The following PDS5B variants were observed in gnomAD, a reference collection of about 807,000 sequenced individuals.
PDS5B encodes PDS5 cohesin associated factor B.
Under a neutral mutation model 184.1 loss-of-function variants are expected in PDS5B, and 51 were observed. The ratio of observed to expected loss-of-function variants is 0.28; its 90% CI spans 0.22 to 0.35. The LOEUF is 0.35. PDS5B is among the 10% of genes least tolerant of loss of function. The probability of loss-of-function intolerance (pLI) is 1.00; values close to 1 mark genes in which losing one functional copy is unlikely to be tolerated. For missense variants in PDS5B, 1,180 were observed against 1,723.3 expected (o/e 0.68, Z 5.58); for synonymous variants, 566 against 569.2 (o/e 0.99, Z 0.08).
At chr13:32,725,148 T>C (rs962545186) in intron 19 of PDS5B, among the ~76,000 whole-genome samples, 4 of 152,210 alleles carry the variant, frequency 2.6e-5, no homozygotes, top group African/African-American at 7.2e-5. Flanking sequence ...GGTTTCCCAG[T>C]GTTATATTTG....
intron 21 of PDS5B, 152 bp downstream of exon 21, chr13:32,735,482 A>G (rs1953299798): frequency 1.7e-6 from 1 of 579,232 alleles, no homozygotes; most frequent in African/African-American, 1.9e-5. Context: ...CCTTGTCTCC[A>G]TTATAAGCAA....
intron 6 of PDS5B, among the ~76,000 whole-genome samples, chr13:32,663,327 A>G (rs1403327566): frequency 6.6e-6 from 1 of 151,334 alleles, no homozygotes; most frequent in Non-Finnish European, 1.5e-5. Flanking sequence ...CAAACCAAGC[A>G]AGAAAAAAAA....
chr13:32,711,770 T>C (rs1184112069), intron 19 of PDS5B, among the ~76,000 whole-genome samples: 1 of 152,242 alleles, frequency 6.6e-6, no homozygotes, highest in Non-Finnish European at 1.5e-5. Context: ...TGTATGTGTA[T>C]GTGTGTATTT....
intron 1 of PDS5B, among the ~76,000 whole-genome samples, chr13:32,625,563 G>A (rs971589113): frequency 1.3e-5 from 2 of 152,072 alleles, no homozygotes; most frequent in African/African-American, 4.8e-5. Flanking sequence ...TTATCCTGAT[G>A]GGGTTTTGTG....
chr13:32,587,918 A>C (rs1020373970), intron 1 of PDS5B, among the ~76,000 whole-genome samples: 3 of 152,154 alleles, frequency 2.0e-5, no homozygotes, highest in Non-Finnish European at 4.4e-5. Context: ...CTTCCTAATG[A>C]ACTTCAAAAA....
chr13:32,676,932 C>A (rs1386412718), intron 9 of PDS5B, among the ~76,000 whole-genome samples: 6 of 78,796 alleles, frequency 7.6e-5, no homozygotes, highest in Non-Finnish European at 9.3e-5. Flanking sequence ...CTCTTGTCTC[C>A]AAAAAAAAAA....
intron 2 of PDS5B, 161 bp downstream of exon 2, chr13:32,649,041 G>T: frequency 1.8e-6 from 1 of 566,502 alleles, no homozygotes; most frequent in Non-Finnish European, 3.1e-6. Flanking sequence ...ATAAGGTACA[G>T]TGGGGATTAT....
chr13:32,669,289 C>CT lies in PDS5B; in HGVS notation c.705+1454dup, dbSNP rs1191765928. Among the ~76,000 whole-genome samples the CT allele has an allele frequency of 2.6e-3, 378 of 143,600 alleles. 2 individuals carry two copies. Among genetic ancestry groups the CT allele is most frequent in the African/African-American group, 8.4e-3 (331 of 39,174 alleles). The allele number at this position is 143,600 out of a possible 152,430, so 94.2% of individuals were successfully genotyped here. A position where few individuals can be genotyped will look rare whatever the true frequency, so the allele number is the denominator to read the frequency against. On this transcript the variant is annotated intron_variant, in intron 7 of 34. Coordinates refer to ENST00000315596, the MANE Select transcript of PDS5B (RefSeq NM_015032.4). ...TATTGCCAAGCCAGTTTTTTTTTTT[C>CT]TTTTTTTTTGGAGGGGAGGGGGGAC...
At chr13:32,602,475 A>G (rs367818634) in intron 1 of PDS5B, among the ~76,000 whole-genome samples, 2 of 151,984 alleles carry the variant, frequency 1.3e-5, no homozygotes, top group Non-Finnish European at 2.9e-5. Flanking sequence ...TATGTGCCAC[A>G]TTTTCTTAAT....
intron 1 of PDS5B, among the ~76,000 whole-genome samples, chr13:32,587,591 A>G (rs1330565267): frequency 6.6e-6 from 1 of 152,122 alleles, no homozygotes; most frequent in Non-Finnish European, 1.5e-5. Context: ...CTGAAACCAG[A>G]AACGCCGCCC....
intron 6 of PDS5B, among the ~76,000 whole-genome samples, chr13:32,660,350 C>G (rs1005522761): frequency 2.0e-5 from 3 of 152,200 alleles, no homozygotes; most frequent in Admixed American, 6.5e-5. Flanking sequence ...AGCCTGGGGC[C>G]CAGCTAGTGA....
At chr13:32,620,700 T>C (rs1191644528) in intron 1 of PDS5B, among the ~76,000 whole-genome samples, 1 of 152,048 alleles carries the variant, frequency 6.6e-6, no homozygotes, top group Non-Finnish European at 1.5e-5. Flanking sequence ...GGGATTCTGA[T>C]TGTTTCTAGC....
chr13:32,699,805 T>A lies in PDS5B; in HGVS notation c.1676T>A (p.Ile559Lys). 6.3e-7 allele frequency: 1 copy of A among 1,583,150 alleles called. No individual in the cohort carries two copies. Reference sequence around the variant, plus strand: ...CAGGTGTTAGAAGATGATGAGAAAATAAGAAAGCAGTTAGAAGTACTTGTT... The same window carrying A: ...CAGGTGTTAGAAGATGATGAGAAAAAAAGAAAGCAGTTAGAAGTACTTGTT... ...FTQVLEDDEK[I>K]RKQLEVLVSP... is the part of the protein sequence containing the mutation. The change falls in exon 16 of 35, where the codon ATA becomes AAA. Residue 559 changes from isoleucine to lysine, a missense_variant. Ile to Lys is a moderately radical substitution (Grantham distance 102). Coordinates refer to ENST00000315596, the MANE Select transcript of PDS5B (RefSeq NM_015032.4).
At chr13:32,739,093 A>T (rs550333219) in intron 21 of PDS5B, among the ~76,000 whole-genome samples, 1 of 152,042 alleles carries the variant, frequency 6.6e-6, no homozygotes, top group Non-Finnish European at 1.5e-5. Flanking sequence ...ATAGCCTCCC[A>T]TATGTTCTTC....
Position 32,678,938 on chromosome 13 carries a change from T to A in PDS5B, c.1057+9T>A. 1 of 1,389,242 alleles carries A rather than the reference T, an allele frequency of 7.2e-7. No individual in the cohort carries two copies. The highest frequency in any genetic ancestry group is 1.0e-6 in the Non-Finnish European group (1 of 975,762). The allele number at this position is 1,389,242 out of a possible 1,614,324, so 86.1% of individuals were successfully genotyped here. On this transcript the variant is annotated intron_variant, in intron 10 of 34. Transcript: ENST00000315596. ...AGCAAAAGACTTAACAGGTACTATA[T>A]ATATGTAACAGCAAATATTCTTACG...
chr13:32,706,004 G>A (rs894093514), intron 17 of PDS5B, among the ~76,000 whole-genome samples: 1 of 152,016 alleles, frequency 6.6e-6, no homozygotes, highest in African/African-American at 2.4e-5. Flanking sequence ...TTGGCCGGGC[G>A]TGGTGGCTCA....
At chr13:32,648,052 C>T (rs559110611) in intron 1 of PDS5B, among the ~76,000 whole-genome samples, 2 of 152,292 alleles carry the variant, frequency 1.3e-5, no homozygotes, top group East Asian at 3.9e-4. Flanking sequence ...GTGTGCAGGC[C>T]CATGGCCAAA....
intron 31 of PDS5B, among the ~76,000 whole-genome samples, chr13:32,765,156 A>C (rs1425971406): frequency 2.0e-5 from 3 of 152,244 alleles, no homozygotes; most frequent in African/African-American, 4.8e-5. Flanking sequence ...TAGCATAGAC[A>C]CAAAATACAG....
At chr13:32,733,849 T>C (rs1050978405) in intron 20 of PDS5B, among the ~76,000 whole-genome samples, 2 of 152,116 alleles carry the variant, frequency 1.3e-5, no homozygotes, top group African/African-American at 4.8e-5. Context: ...TCCAGAGATA[T>C]TTTATTCATA....
Sources: allele counts gnomAD v4.1 joint callset (sites outside exome capture counted in the v4.1 genomes callset), GRCh38; gene constraint gnomAD v4.1.1; transcripts MANE v1.5; gene names NCBI Gene and HGNC (gene_info 2026-07-23, HGNC 2026-07-21).